NRXN3: variants seen among roughly 807,000 people sequenced by gnomAD.
NRXN3 encodes neurexin 3, also known as neurexin III.
In NRXN3, 32 loss-of-function variants were observed where a neutral mutation model predicts 137.6. The observed-to-expected ratio is 0.23, with a 90% CI of 0.18 to 0.31. NRXN3 has a LOEUF of 0.31. Among genes scored for constraint, NRXN3 ranks in the 10% least tolerant of loss-of-function variants. The pLI is 1.00. For missense variants in NRXN3, 1,574 were observed against 2,062.5 expected, an observed-to-expected ratio of 0.76 and a Z score of 4.59; for synonymous variants, 798 against 784.5, an observed-to-expected ratio of 1.02 and a Z score of -0.29.
In NRXN3 at chr14:79,185,432, A is replaced by T. The variant is rs907663855; in HGVS notation, c.3262+197291A>T. ...TAGAGCAAACAATTCTGTAACATCT[A>T]TTTCCATATGATTTGAGCAATTTCA... is the stretch of plus-strand genomic sequence containing the variant. On this transcript the variant is annotated intron_variant, in intron 15 of 20. Transcript: ENST00000335750. Among the ~76,000 whole-genome samples the T allele has an allele frequency of 2.0e-5, 3 of 150,608 alleles. No homozygotes were observed. The South Asian group carries it at 6.3e-4, about 31-fold the overall frequency.
chr14:79,526,736 G>C (rs2097124032), intron 16 of NRXN3, among the ~76,000 whole-genome samples: 1 of 152,140 alleles, frequency 6.6e-6, no homozygotes, highest in Non-Finnish European at 1.5e-5. Flanking sequence ...AAGGAAATAA[G>C]TGTATGTAAC....
At chr14:79,162,264 G>T (rs1416320045) in intron 15 of NRXN3, among the ~76,000 whole-genome samples, 1 of 150,596 alleles carries the variant, frequency 6.6e-6, no homozygotes, top group African/African-American at 2.4e-5. Flanking sequence ...CTAGCATTAG[G>T]TATATCTCCC....
intron 15 of NRXN3, among the ~76,000 whole-genome samples, chr14:79,361,073 T>C (rs2093664538): frequency 6.6e-6 from 1 of 152,350 alleles, no homozygotes; most frequent in East Asian, 1.9e-4. Context: ...GGGTGATTTT[T>C]CTCTGAAGGG....
intron 8 of NRXN3, among the ~76,000 whole-genome samples, chr14:78,742,602 G>GA (rs904065618): frequency 3.9e-5 from 6 of 152,152 alleles, no homozygotes; most frequent in Non-Finnish European, 7.4e-5. Context: ...ACTTTGACCA[G>GA]ATTTTCTGTC....
chr14:79,810,690 A>G (rs1256542073), intron 20 of NRXN3, among the ~76,000 whole-genome samples: 3 of 152,166 alleles, frequency 2.0e-5, no homozygotes, highest in African/African-American at 7.2e-5. Flanking sequence ...TCCAGGTGGA[A>G]CTGGATTCTT....
intron 8 of NRXN3, among the ~76,000 whole-genome samples, chr14:78,792,206 A>G (rs938245711): frequency 5.8e-3 from 2 of 342 alleles, no homozygotes; most frequent in Non-Finnish European, 0.2. Context: ...AACTCAAAGA[A>G]AAAAAAAAAA....
chr14:79,683,049 C>T (rs1219308252), intron 17 of NRXN3, among the ~76,000 whole-genome samples: 1 of 152,158 alleles, frequency 6.6e-6, no homozygotes, highest in Admixed American at 6.6e-5. Flanking sequence ...TTCAAAGAAA[C>T]TCTAATTTCT....
chr14:78,429,963 G>A (rs1028007107), intron 4 of NRXN3, among the ~76,000 whole-genome samples: 1 of 152,216 alleles, frequency 6.6e-6, no homozygotes. Context: ...GCTGAGCATG[G>A]TGGGTCATGC....
chr14:79,469,492 G>T (rs1036718254), intron 16 of NRXN3, among the ~76,000 whole-genome samples: 9 of 152,060 alleles, frequency 5.9e-5, no homozygotes, highest in African/African-American at 1.9e-4. Context: ...ATTAGTGTGT[G>T]TATTCTGTAT....
At chr14:79,363,695 G>C (rs1214518238) in intron 15 of NRXN3, among the ~76,000 whole-genome samples, 1 of 152,056 alleles carries the variant, frequency 6.6e-6, no homozygotes, top group Admixed American at 6.5e-5. Context: ...AGCAGTACTT[G>C]GTATAGCACC....
intron 4 of NRXN3, among the ~76,000 whole-genome samples, chr14:78,421,122 G>T (rs966248913): frequency 6.6e-6 from 1 of 152,098 alleles, no homozygotes; most frequent in African/African-American, 2.4e-5. Flanking sequence ...AATTAGCTGG[G>T]TGTGGTGGCA....
intron 4 of NRXN3, among the ~76,000 whole-genome samples, chr14:78,609,304 G>A (rs1055277430): frequency 3.9e-5 from 6 of 152,040 alleles, no homozygotes; most frequent in Non-Finnish European, 7.4e-5. Flanking sequence ...AAAAAAAAGG[G>A]TGAGGTGGCA....
chr14:79,492,135 C>T (rs1174272425), intron 16 of NRXN3, among the ~76,000 whole-genome samples: 1 of 152,002 alleles, frequency 6.6e-6, no homozygotes, highest in Non-Finnish European at 1.5e-5. Context: ...GAATGAATAT[C>T]CAGATTTCTC....
At chr14:78,590,249 C>T (rs1312808555) in intron 4 of NRXN3, among the ~76,000 whole-genome samples, 1 of 152,120 alleles carries the variant, frequency 6.6e-6, no homozygotes, top group African/African-American at 2.4e-5. Flanking sequence ...AAGCATGGGG[C>T]CTGTAGAAGT....
At chr14:78,806,724 C>T (rs1467403423) in intron 9 of NRXN3, among the ~76,000 whole-genome samples, 1 of 152,160 alleles carries the variant, frequency 6.6e-6, no homozygotes, top group African/African-American at 2.4e-5. Context: ...CTCAGCACAA[C>T]TTTTAAAAAG....
chr14:79,867,363 C>G lies in NRXN3; in HGVS notation c.*5399C>G, dbSNP rs1410341153. 1.3e-5 allele frequency: 2 copies of G among 152,178 alleles called. No homozygotes were observed. The highest frequency in any genetic ancestry group is 4.8e-5 in the African/African-American group (2 of 41,438). The allele number at this position is 152,178 out of a possible 1,614,324, so 9.4% of individuals were successfully genotyped here. On this transcript the variant is annotated 3_prime_UTR_variant, in exon 21 of 21. Transcript: ENST00000335750. Reference sequence around the variant, plus strand: ...GAAATGTATTTCTCAGTTCCAGAAACAAAGTTGCAGATCAAAGTTTGTTAG... The same window carrying G: ...GAAATGTATTTCTCAGTTCCAGAAAGAAAGTTGCAGATCAAAGTTTGTTAG...
At chr14:78,224,738 G>A (rs1271797395) in intron 1 of NRXN3, among the ~76,000 whole-genome samples, 5 of 142,702 alleles carry the variant, frequency 3.5e-5, no homozygotes, top group South Asian at 2.3e-4. Context: ...ATAAACATAC[G>A]TGTGCATGTG....
At chr14:78,523,979 C>G (rs935893470) in intron 4 of NRXN3, among the ~76,000 whole-genome samples, 1 of 152,082 alleles carries the variant, frequency 6.6e-6, no homozygotes, top group Admixed American at 6.6e-5. Flanking sequence ...CCTTTCACTA[C>G]AAAACAGCCC....
intron 6 of NRXN3, among the ~76,000 whole-genome samples, chr14:78,684,661 G>A (rs921822625): frequency 6.6e-6 from 1 of 152,120 alleles, no homozygotes; most frequent in Non-Finnish European, 1.5e-5. Context: ...GGGCATGGTG[G>A]AATACACCTG....
Sources: gnomAD v4.1 joint callset for allele counts (sites outside exome capture counted in the v4.1 genomes callset) on GRCh38, gnomAD v4.1.1 for gene constraint, MANE v1.5 for transcripts, NCBI Gene and HGNC (gene_info 2026-07-23, HGNC 2026-07-21) for gene names.